HLA-DQB1: variants seen among roughly 807,000 people sequenced by gnomAD.
The protein encoded by HLA-DQB1 is major histocompatibility complex, class II, DQ beta 1, also known as HLA class II histocompatibility antigen, DQ beta 1 chain.
A neutral mutation model predicts 26.4 loss-of-function variants in HLA-DQB1; 13 were observed. That is an observed-to-expected ratio of 0.49 (90% confidence interval 0.32 to 0.78). The LOEUF (loss-of-function observed/expected upper bound fraction) is 0.78. Among genes scored for constraint, HLA-DQB1 ranks in the 30% least tolerant of loss-of-function variants. The pLI is 0.03. For missense variants in HLA-DQB1, 158 were observed against 326.2 expected (o/e 0.48, Z 3.97); for synonymous variants, 60 against 129.1 (o/e 0.46, Z 3.63).
Position 32,661,762 on chromosome 6 carries a change from A to G in HLA-DQB1, c.661+205T>C, listed in dbSNP as rs940867987. On this transcript the variant is annotated intron_variant, in intron 3 of 4. Transcript: ENST00000434651. ...TATCAGGACTGGGATTCAGAGCAAC[A>G]GTATGTAGAGTAATTTCCCTAGCAT... 6 of 525,472 alleles carry G rather than the reference A, an allele frequency of 1.1e-5. 1 individual carries two copies. The highest frequency in any genetic ancestry group is 2.0e-5 in the Non-Finnish European group (6 of 304,550). 32.6% of individuals were successfully genotyped at this position (525,472 alleles called of 1,614,324 possible). A position where few individuals can be genotyped will look rare whatever the true frequency, so the allele number is the denominator to read the frequency against.
At chr6:32,665,100 C>CAG in intron 1 of HLA-DQB1, 33 bp from the exon 2 acceptor site, 1 of 1,115,266 alleles carries the variant, frequency 9.0e-7, no homozygotes, top group Non-Finnish European at 1.2e-6. Context: ...CAGTCAGGCC[C>CAG]CAGCCCGGCC....
intron 1 of HLA-DQB1, among the ~76,000 whole-genome samples, chr6:32,666,058 A>C (rs114494855): frequency 9.0e-6 from 1 of 111,040 alleles, no homozygotes; most frequent in African/African-American, 3.4e-5. Context: ...GAATAGAGAC[A>C]AATTTTCCTC....
At chr6:32,665,504 C>T (rs112142756) in intron 1 of HLA-DQB1, among the ~76,000 whole-genome samples, 23,149 of 131,996 alleles carry the variant, frequency 0.18, 3,652 homozygotes, top group Middle Eastern at 0.31. Context: ...TGGCCTCGTT[C>T]TGACACGCGT....
intron 1 of HLA-DQB1, among the ~76,000 whole-genome samples, chr6:32,665,638 C>T (rs77247372): frequency 0.26 from 27,285 of 103,176 alleles, 4,788 homozygotes; most frequent in Middle Eastern, 0.31. Flanking sequence ...TAGATAGAGA[C>T]ATTTATTCAT....
intron 4 of HLA-DQB1, chr6:32,660,864 G>T: frequency 6.6e-7 from 1 of 1,513,152 alleles, no homozygotes; most frequent in African/African-American, 1.4e-5. Flanking sequence ...ATTACCTGCT[G>T]GTGGAGGCCC....
intron 1 of HLA-DQB1, among the ~76,000 whole-genome samples, chr6:32,666,084 A>T (rs281861195): frequency 8.8e-6 from 1 of 113,460 alleles, no homozygotes; most frequent in Admixed American, 9.4e-5. Flanking sequence ...CAGAGACTAC[A>T]GACACCATTG....
chr6:32,665,130 T>C lies in HLA-DQB1; in HGVS notation c.110-63A>G, dbSNP rs281861998. 1.3e-5 allele frequency: 12 copies of C among 955,038 alleles called. 4 individuals carry two copies. The highest frequency in any genetic ancestry group is 1.7e-5 in the Non-Finnish European group (12 of 697,614). 59.2% of individuals were successfully genotyped at this position (955,038 alleles called of 1,614,324 possible). A position where few individuals can be genotyped will look rare whatever the true frequency, so the allele number is the denominator to read the frequency against. On this transcript the variant is annotated intron_variant, in intron 1 of 4. Coordinates refer to ENST00000434651, the Ensembl canonical transcript of HLA-DQB1. ...CCGGCCGCCCCCGCAGCCGCCGCCC[T>C]GACCCGGCCTGGAGCTGTGGAACCG... is the stretch of plus-strand genomic sequence containing the variant.
chr6:32,663,415 G>GGAAAGTATCATTTTGTCC (rs9282143), intron 2 of HLA-DQB1: 2 of 126,710 alleles, frequency 1.6e-5, no homozygotes, highest in African/African-American at 5.9e-5. Flanking sequence ...TTTCAATGCC[G>GGAAAGTATCATTTTGTCC]CATTAACACA....
At chr6:32,666,432 A>G (rs281860906) in intron 1 of HLA-DQB1, 67 bp downstream of exon 1, 56,010 of 383,392 alleles carry the variant, frequency 0.15, 5,570 homozygotes, top group African/African-American at 0.22. Context: ...ACCATCCCCC[A>G]TACCCCAGCC....
At position 32,664,784 on chromosome 6, in the gene HLA-DQB1, G is replaced by T. The variant is rs142144985; in HGVS notation, c.379+14C>A. The stretch of plus-strand genomic sequence containing the variant: ...GGCCAAGGGTGGGCCTCACGGAGGG[G>T]CGACGACGCTCACCTCTCCTCTGCA... On this transcript the variant is annotated intron_variant, in intron 2 of 4. Coordinates refer to ENST00000434651, the Ensembl canonical transcript of HLA-DQB1. 40,411 of 979,824 alleles carry T rather than the reference G, an allele frequency of 0.041. 14,949 individuals carry two copies. Among genetic ancestry groups the T allele is most frequent in the East Asian group, 0.3 (9,194 of 30,768 alleles). 60.7% of individuals were successfully genotyped at this position (979,824 alleles called of 1,614,324 possible).
exon 1 of HLA-DQB1, chr6:32,666,578 G>A (rs1049072): frequency 0.11 from 124,938 of 1,111,412 alleles, 17,231 homozygotes; most frequent in East Asian, 0.36. Context: ...GAAGGTCTCC[G>A]GGGATCCGCA....
chr6:32,664,648 T>A (rs9274351), intron 2 of HLA-DQB1, 150 bp downstream of exon 2: 6,055 of 205,318 alleles, frequency 0.029, 1,197 homozygotes, highest in Admixed American at 0.052. Flanking sequence ...CCGATGCACC[T>A]GCCCCCACCA....
exon 1 of HLA-DQB1, chr6:32,666,559 T>C: frequency 8.3e-7 from 1 of 1,199,990 alleles, no homozygotes; most frequent in Non-Finnish European, 1.2e-6. Context: ...AAGGTGACAG[T>C]TGCTACCCGA....
chr6:32,664,509 C>T lies in HLA-DQB1; in HGVS notation c.379+289G>A, dbSNP rs9274335. 7.7e-3 allele frequency: 1,369 copies of T among 176,666 alleles called. 53 individuals carry two copies. Among genetic ancestry groups the T allele is most frequent in the African/African-American group, 0.014 (376 of 27,302 alleles). 10.9% of individuals were successfully genotyped at this position (176,666 alleles called of 1,614,324 possible). ...CGAAGGTAAGGTACGAGGAGGCAAA[C>T]ACATAAGGCACGAGGCGAGAAACGT... On this transcript the variant is annotated intron_variant, in intron 2 of 4. Coordinates refer to ENST00000434651, the Ensembl canonical transcript of HLA-DQB1.
intron 3 of HLA-DQB1, 29 bp from the exon 4 acceptor site, chr6:32,661,486 T>C: frequency 9.2e-7 from 1 of 1,086,002 alleles, no homozygotes; most frequent in South Asian, 1.5e-5. Context: ...TGTCTGTGTT[T>C]GTCCCCACAC....
intron 4 of HLA-DQB1, 53 bp from the exon 5 acceptor site, chr6:32,660,302 C>A (rs9273477): frequency 0.03 from 27,225 of 897,090 alleles, 2,609 homozygotes; most frequent in Admixed American, 0.13. Flanking sequence ...GTGGGCCTGC[C>A]ATCTCCCCCA....
In HLA-DQB1 at chr6:32,664,851, G is replaced by GTAAT. The variant is rs1783802173; in HGVS notation, c.325_326insATTA (p.Thr109AsnfsTer60). 27 of 1,075,680 alleles carry GTAAT rather than the reference G, an allele frequency of 2.5e-5. No homozygotes were observed. In the Middle Eastern group the frequency reaches 1.7e-3, roughly 66 times the overall value. 66.6% of individuals were successfully genotyped at this position (1,075,680 alleles called of 1,614,324 possible). A position where few individuals can be genotyped will look rare whatever the true frequency, so the allele number is the denominator to read the frequency against. On this transcript the variant is annotated frameshift_variant, in exon 2 of 5. Transcript: ENST00000434651. LOFTEE classifies it high-confidence loss of function. ...CACCTCGTAGTTGTGTCTGCACACC[G>GTAAT]TGTCCAACTCCGCCCGGGTCCCCTC... is the stretch of plus-strand genomic sequence containing the variant.
At chr6:32,661,148 T>A (rs1286510458) in intron 4 of HLA-DQB1, among the ~76,000 whole-genome samples, 199 bp downstream of exon 4, 2 of 119,876 alleles carry the variant, frequency 1.7e-5, no homozygotes, top group African/African-American at 5.8e-5. Flanking sequence ...TGCCCTGGAA[T>A]AAGCTCTATC....
At chr6:32,665,649 G>T (rs9274462) in intron 1 of HLA-DQB1, among the ~76,000 whole-genome samples, 14,485 of 123,588 alleles carry the variant, frequency 0.12, 1,341 homozygotes, top group Middle Eastern at 0.23. Context: ...ATTTATTCAT[G>T]GAAAGAGCAC....
Sources: allele counts gnomAD v4.1 joint callset (sites outside exome capture counted in the v4.1 genomes callset), GRCh38; gene constraint gnomAD v4.1.1; transcripts MANE v1.5; gene names NCBI Gene and HGNC (gene_info 2026-07-23, HGNC 2026-07-21).